Variants in LRRC4C observed in about 807,000 individuals in gnomAD.
LRRC4C encodes the protein leucine-rich repeat-containing protein 4C.
LRRC4C carries 5 observed loss-of-function variants against 33.6 expected under a neutral mutation model. That is an observed-to-expected ratio of 0.15 (90% CI 0.08 to 0.31). LRRC4C has a LOEUF of 0.31. Ranked by LOEUF, LRRC4C falls within the 10% of genes least tolerant of loss-of-function variation. LRRC4C has a pLI of 1.00. For synonymous variants in LRRC4C, 329 were observed against 302.0 expected (o/e 1.09, Z -0.93); for missense variants, 560 against 796.7 (o/e 0.70, Z 3.58).
intron 2 of LRRC4C, among the ~76,000 whole-genome samples, chr11:40,903,192 A>G (rs942649991): frequency 6.6e-6 from 1 of 152,192 alleles, no homozygotes; most frequent in Non-Finnish European, 1.5e-5. Context: ...ACCAATAAGA[A>G]TGATGCTAAA....
At chr11:40,444,644 T>G (rs1951549278) in intron 3 of LRRC4C, among the ~76,000 whole-genome samples, 1 of 152,214 alleles carries the variant, frequency 6.6e-6, no homozygotes, top group African/African-American at 2.4e-5. Flanking sequence ...TTCTCAGTGA[T>G]CAATAAGATG....
At position 40,342,784 on chromosome 11, in the gene LRRC4C, G is replaced by C. The variant is rs191473736; in HGVS notation, c.-269-23063C>G. ...CACTTGCTTTAATTCTCTTTTCCCA[G>C]TTACTGTCTATTCTACTACCCCATA... On this transcript the variant is annotated intron_variant, in intron 3 of 6. Transcript: ENST00000528697. 4.7e-4 allele frequency among the ~76,000 whole-genome samples: 71 copies of C among 152,114 alleles called. 2 individuals carry two copies. Among genetic ancestry groups the C allele is most frequent in the African/African-American group, 1.6e-3 (67 of 41,510 alleles).
rs986988079 is a variant in LRRC4C at position 40,589,444 on chromosome 11, G to T, written c.-270+58698C>A. On this transcript the variant is annotated intron_variant, in intron 3 of 6. Coordinates refer to ENST00000528697, the MANE Select transcript of LRRC4C (RefSeq NM_001258419.2). The stretch of plus-strand genomic sequence containing the variant: ...GAGTCTTTATCCAATTTGGCAGTCT[G>T]TGTCTTTTAATTGGAGCATTTAGTC... Among the ~76,000 whole-genome samples the T allele has an allele frequency of 4.5e-3, 679 of 152,204 alleles. 22 individuals are homozygous for T. The highest frequency in any genetic ancestry group is 0.032 in the Admixed American group (488 of 15,276).
chr11:40,421,214 T>C (rs1950511551), intron 3 of LRRC4C, among the ~76,000 whole-genome samples: 1 of 152,218 alleles, frequency 6.6e-6, no homozygotes, highest in Non-Finnish European at 1.5e-5. Flanking sequence ...CTTAGTTTAA[T>C]AGCTGAATTC....
intron 1 of LRRC4C, among the ~76,000 whole-genome samples, chr11:41,064,567 T>A (rs987617461): frequency 6.6e-6 from 1 of 152,150 alleles, no homozygotes; most frequent in African/African-American, 2.4e-5. Context: ...TCTCTTCACT[T>A]AGGGATATGG....
chr11:41,085,928 C>CAAAAA (rs10717008), intron 1 of LRRC4C, among the ~76,000 whole-genome samples: 106 of 80,074 alleles, frequency 1.3e-3, no homozygotes, highest in East Asian at 3.9e-3. Flanking sequence ...TTTAAGACAC[C>CAAAAA]AAAAAAAAAA....
At chr11:40,660,308 G>C (rs983405236) in intron 2 of LRRC4C, among the ~76,000 whole-genome samples, 1 of 152,192 alleles carries the variant, frequency 6.6e-6, no homozygotes, top group Admixed American at 6.5e-5. Flanking sequence ...ATGGGATCTA[G>C]GCCAGCAGCA....
rs573402493 is a variant in LRRC4C, at chr11:40,553,440, C to A, written c.-270+94702G>T. Among the ~76,000 whole-genome samples the A allele has an allele frequency of 1.2e-4, 18 of 152,194 alleles. No homozygotes were observed. In the South Asian group the frequency reaches 3.3e-3, roughly 28 times the overall value. On this transcript the variant is annotated intron_variant, in intron 3 of 6. Coordinates refer to ENST00000528697, the MANE Select transcript of LRRC4C (RefSeq NM_001258419.2). ...ATAGCTATCTAGATTATTGAGGTAA[C>A]ATAATTTTTTTTTGAAACTCTGACA...
chr11:40,890,508 A>T (rs1206787150), intron 2 of LRRC4C, among the ~76,000 whole-genome samples: 1 of 152,152 alleles, frequency 6.6e-6, no homozygotes, highest in Non-Finnish European at 1.5e-5. Context: ...TGCATTTAGG[A>T]TTGTTTCAAA....
chr11:40,501,812 G>A (rs1005123512), intron 3 of LRRC4C, among the ~76,000 whole-genome samples: 3 of 152,168 alleles, frequency 2.0e-5, no homozygotes, highest in African/African-American at 7.2e-5. Flanking sequence ...TCGTCTCTGT[G>A]TTACTTATGC....
At position 41,272,496 on chromosome 11, in the gene LRRC4C, T is replaced by C. The variant is rs553509432; in HGVS notation, c.-496+186935A>G. Among the ~76,000 whole-genome samples, 36 of 152,230 alleles carry C rather than the reference T, an allele frequency of 2.4e-4. No individual in the cohort carries two copies. The South Asian group carries it at 7.5e-3, about 32-fold the overall frequency. On this transcript the variant is annotated intron_variant, in intron 1 of 6. Coordinates refer to ENST00000528697, the MANE Select transcript of LRRC4C (RefSeq NM_001258419.2). ...CCTCAGTCAGGAGAATTTGAACCAC[T>C]ACAGAGAAGAAAGTTATATTTAAGA...
intron 4 of LRRC4C, among the ~76,000 whole-genome samples, chr11:40,296,634 C>A (rs906683258): frequency 6.6e-6 from 1 of 152,098 alleles, no homozygotes; most frequent in Non-Finnish European, 1.5e-5. Context: ...CCACATTTGT[C>A]ACTGAATGAC....
At chr11:41,136,937 G>T (rs775680519) in intron 1 of LRRC4C, among the ~76,000 whole-genome samples, 2 of 152,132 alleles carry the variant, frequency 1.3e-5, no homozygotes, top group South Asian at 2.1e-4. Flanking sequence ...AAAAGTGTTT[G>T]GTTTCAACTG....
intron 1 of LRRC4C, among the ~76,000 whole-genome samples, chr11:41,260,618 CAT>C (rs1308816302): frequency 1.7e-4 from 25 of 150,766 alleles, no homozygotes; most frequent in Non-Finnish European, 2.7e-4. Context: ...TGTGTACACA[CAT>C]ATATATATAT....
chr11:40,637,201 T>C (rs914487730), intron 3 of LRRC4C, among the ~76,000 whole-genome samples: 1 of 152,198 alleles, frequency 6.6e-6, no homozygotes, highest in Non-Finnish European at 1.5e-5. Context: ...CTTGGGCAAC[T>C]CTACCACACA....
chr11:40,211,160 C>T (rs1047870913), intron 5 of LRRC4C, among the ~76,000 whole-genome samples: 4 of 152,144 alleles, frequency 2.6e-5, no homozygotes, highest in East Asian at 3.9e-4. Context: ...CTTATCAGAA[C>T]CTGAAATTAT....
At chr11:40,396,658 A>T (rs1157619290) in intron 3 of LRRC4C, among the ~76,000 whole-genome samples, 1 of 152,166 alleles carries the variant, frequency 6.6e-6, no homozygotes, top group Non-Finnish European at 1.5e-5. Context: ...ATATCACAGC[A>T]TGGTGATATT....
chr11:40,313,581 A>G (rs1387050703), intron 4 of LRRC4C, among the ~76,000 whole-genome samples: 3 of 148,742 alleles, frequency 2.0e-5, no homozygotes, highest in Non-Finnish European at 3.0e-5. Flanking sequence ...AAAAGAAAAC[A>G]TGCTAGGAGG....
At chr11:41,332,066 C>T (rs975113684) in intron 1 of LRRC4C, among the ~76,000 whole-genome samples, 5 of 152,108 alleles carry the variant, frequency 3.3e-5, no homozygotes, top group African/African-American at 1.2e-4. Flanking sequence ...CAATGAGAGA[C>T]ATTCTCCATC....
Sources: gnomAD v4.1 joint callset for allele counts (sites outside exome capture counted in the v4.1 genomes callset) on GRCh38, gnomAD v4.1.1 for gene constraint, MANE v1.5 for transcripts, NCBI Gene and HGNC (gene_info 2026-07-23, HGNC 2026-07-21) for gene names.